NRXN1: variants seen among roughly 807,000 people sequenced by gnomAD.
The protein encoded by NRXN1 is neurexin-1.
In NRXN1, 39 loss-of-function variants were observed where a neutral mutation model predicts 150.9. The ratio of observed to expected loss-of-function variants is 0.26; its 90% confidence interval spans 0.20 to 0.34. The LOEUF (loss-of-function observed/expected upper bound fraction) is 0.34, where lower values mean the gene tolerates loss of function less well. NRXN1 is among the 10% of genes least tolerant of loss of function. NRXN1 has a pLI of 1.00. For missense variants in NRXN1, 1,815 were observed against 1,949.9 expected (o/e 0.93, Z 1.30); for synonymous variants, 924 against 757.0 (o/e 1.22, Z -3.62).
At chr2:50,605,802 A>G (rs1436645795) in intron 8 of NRXN1, among the ~76,000 whole-genome samples, 1 of 84,868 alleles carries the variant, frequency 1.2e-5, no homozygotes, top group Non-Finnish European at 2.6e-5. Context: ...TATTCAGCCA[A>G]AAAAAAAATG....
intron 21 of NRXN1, among the ~76,000 whole-genome samples, chr2:50,007,066 G>A (rs1001152745): frequency 6.6e-6 from 1 of 152,120 alleles, no homozygotes; most frequent in Non-Finnish European, 1.5e-5. Context: ...GAACAGGCCA[G>A]GTACAGTGGC....
chr2:50,087,104 C>T (rs1698899519), intron 19 of NRXN1, among the ~76,000 whole-genome samples: 1 of 152,136 alleles, frequency 6.6e-6, no homozygotes, highest in African/African-American at 2.4e-5. Context: ...CTGCACCACT[C>T]ACTTCAAAAT....
intron 5 of NRXN1, among the ~76,000 whole-genome samples, chr2:50,782,302 C>T (rs1704456511): frequency 1.3e-5 from 2 of 152,010 alleles, no homozygotes; most frequent in African/African-American, 4.8e-5. Context: ...AATCCCATCT[C>T]TACTAAAAAT....
chr2:49,973,884 T>C lies in NRXN1; in HGVS notation c.4129-30093A>G, dbSNP rs1573150595. The C allele has an allele frequency of 4.9e-5, 31 of 629,090 alleles. No homozygotes were observed. In the East Asian group the frequency reaches 8.2e-4, roughly 17 times the overall value. 39.0% of individuals were successfully genotyped at this position (629,090 alleles called of 1,614,324 possible). ...GAGTTTATTCTTATTTTCATTATTA[T>C]TGTTTTTAGGCTTCTGGTATCTTAA... On this transcript the variant is annotated intron_variant, in intron 21 of 22. Transcript: ENST00000401669.
chr2:50,368,360 G>C (rs1272086948), intron 17 of NRXN1, among the ~76,000 whole-genome samples: 1 of 151,916 alleles, frequency 6.6e-6, no homozygotes. Flanking sequence ...TGAGAAAATA[G>C]CATAAGCACA....
intron 17 of NRXN1, among the ~76,000 whole-genome samples, chr2:50,444,843 T>G (rs1392838536): frequency 6.6e-6 from 1 of 152,198 alleles, no homozygotes; most frequent in Non-Finnish European, 1.5e-5. Context: ...TTTAAATTTT[T>G]CACATTTTGT....
At chr2:50,006,461 C>T (rs1684786371) in intron 21 of NRXN1, among the ~76,000 whole-genome samples, 1 of 152,032 alleles carries the variant, frequency 6.6e-6, no homozygotes, top group African/African-American at 2.4e-5. Flanking sequence ...TATCATCTGC[C>T]CACCATTTGC....
chr2:50,206,189 C>T (rs1559089527), intron 18 of NRXN1, among the ~76,000 whole-genome samples: 1 of 151,490 alleles, frequency 6.6e-6, no homozygotes, highest in African/African-American at 2.4e-5. Context: ...TCATTAAACA[C>T]TTATACAGTA....
intron 8 of NRXN1, among the ~76,000 whole-genome samples, chr2:50,596,461 T>C (rs1196185967): frequency 1.3e-5 from 2 of 152,228 alleles, no homozygotes; most frequent in African/African-American, 2.4e-5. Context: ...CCTACTCCCC[T>C]TTCACAGATA....
At chr2:50,380,989 A>G (rs2080916130) in intron 17 of NRXN1, among the ~76,000 whole-genome samples, 1 of 152,184 alleles carries the variant, frequency 6.6e-6, no homozygotes, top group African/African-American at 2.4e-5. Context: ...TCATAGCAGC[A>G]ATATTCTATA....
Position 50,144,436 on chromosome 2 carries a change from G to C in NRXN1, c.3547-52942C>G, listed in dbSNP as rs111650043. 1.4e-4 allele frequency among the ~76,000 whole-genome samples: 22 copies of C among 151,824 alleles called. 1 individual carries two copies. Among genetic ancestry groups the C allele is most frequent in the African/African-American group, 4.6e-4 (19 of 41,474 alleles). ...TCTAAAAGTGAAACCAGAAAGCTAGGGGGGAGAAACAGTGTCACACAAAAA... is the reference window on the plus strand; with the variant it reads ...TCTAAAAGTGAAACCAGAAAGCTAGCGGGGAGAAACAGTGTCACACAAAAA... On this transcript the variant is annotated intron_variant, in intron 18 of 22. Transcript: ENST00000401669.
At position 50,893,037 on chromosome 2, in the gene NRXN1, C is replaced by T. The variant is rs191128351; in HGVS notation, c.832+28832G>A. ...GAACTCCTCTGATGGGCAGTCTTCA[C>T]TCCAGAGCTTTCCAGAGAGGTGGCT... is the stretch of plus-strand genomic sequence containing the variant. On this transcript the variant is annotated intron_variant, in intron 5 of 22. Transcript: ENST00000401669. Among the ~76,000 whole-genome samples, 14 of 152,266 alleles carry T rather than the reference C, an allele frequency of 9.2e-5. No homozygotes were observed. In the East Asian group the frequency reaches 1.9e-3, roughly 21 times the overall value.
chr2:50,801,988 A>G (rs1256764675), intron 5 of NRXN1, among the ~76,000 whole-genome samples: 3 of 152,190 alleles, frequency 2.0e-5, no homozygotes, highest in African/African-American at 7.2e-5. Context: ...CCTACCTACC[A>G]TAAGAATGCT....
At chr2:50,359,962 TAAAGA>T (rs1330249766) in intron 17 of NRXN1, among the ~76,000 whole-genome samples, 1 of 152,098 alleles carries the variant, frequency 6.6e-6, no homozygotes, top group Non-Finnish European at 1.5e-5. Context: ...TCAACATTCT[TAAAGA>T]AAAGAATTTT....
chr2:49,927,085 G>A (rs1669239510), intron 22 of NRXN1, among the ~76,000 whole-genome samples: 1 of 152,170 alleles, frequency 6.6e-6, no homozygotes, highest in South Asian at 2.1e-4. Flanking sequence ...AGGACTTTTT[G>A]CCTCATGGGT....
chr2:50,455,015 T>G (rs2087404181), intron 17 of NRXN1, among the ~76,000 whole-genome samples: 1 of 152,196 alleles, frequency 6.6e-6, no homozygotes, highest in Middle Eastern at 3.4e-3. Context: ...AGGGCATCAT[T>G]TAGCAGGGAT....
chr2:50,051,916 A>G (rs1237789006), intron 21 of NRXN1, among the ~76,000 whole-genome samples: 1 of 152,108 alleles, frequency 6.6e-6, no homozygotes, highest in Non-Finnish European at 1.5e-5. Flanking sequence ...AAACGAAAAG[A>G]AAAGAGAGAA....
intron 21 of NRXN1, among the ~76,000 whole-genome samples, chr2:49,998,692 G>C (rs1040989436): frequency 6.6e-6 from 1 of 152,020 alleles, no homozygotes; most frequent in Admixed American, 6.6e-5. Flanking sequence ...TAATGTCATG[G>C]CTTTCATTAT....
At chr2:50,972,096 A>T (rs79040215) in intron 2 of NRXN1, among the ~76,000 whole-genome samples, 1 of 145,916 alleles carries the variant, frequency 6.9e-6, no homozygotes, top group South Asian at 2.2e-4. Flanking sequence ...ACAAAAAAAA[A>T]AAATTATTTG....
Sources: allele counts gnomAD v4.1 joint callset (sites outside exome capture counted in the v4.1 genomes callset), GRCh38; gene constraint gnomAD v4.1.1; transcripts MANE v1.5; gene names NCBI Gene and HGNC (gene_info 2026-07-23, HGNC 2026-07-21).